Variants in SHISA9 observed in about 807,000 individuals in gnomAD.
SHISA9 encodes shisa family member 9, also known as protein shisa-9.
SHISA9 carries 13 observed loss-of-function variants against 38.0 expected under a neutral mutation model. The ratio of observed to expected loss-of-function variants is 0.34; its 90% CI spans 0.22 to 0.54. The LOEUF is 0.54. Ranked by LOEUF, SHISA9 falls within the 20% of genes least tolerant of loss-of-function variation. The pLI, the probability that SHISA9 is intolerant of heterozygous loss-of-function variation, is 0.91. For missense variants in SHISA9, 538 were observed against 575.8 expected, an observed-to-expected ratio of 0.93 and a Z score of 0.67; for synonymous variants, 275 against 242.0, an observed-to-expected ratio of 1.14 and a Z score of -1.27.
intron 2 of SHISA9, among the ~76,000 whole-genome samples, chr16:13,027,933 CAAAAAAAAAA>C (rs1240201539): frequency 9.6e-6 from 1 of 103,700 alleles, no homozygotes; most frequent in Non-Finnish European, 1.8e-5. Context: ...GTCTCAAAAA[CAAAAAAAAAA>C]AAAAAAAAAA....
chr16:13,319,760 C>A, the SHISA9 span, among the ~76,000 whole-genome samples: 1 of 150,592 alleles, frequency 6.6e-6, no homozygotes. Flanking sequence ...CCCACAGGGG[C>A]CTTTCCAGGG....
At chr16:13,182,595 T>C (rs1288829232) in intron 2 of SHISA9, among the ~76,000 whole-genome samples, 1 of 152,222 alleles carries the variant, frequency 6.6e-6, no homozygotes, top group Non-Finnish European at 1.5e-5. Context: ...AAATTTGGAA[T>C]TGGAGCTTAT....
chr16:13,012,465 A>G (rs1351073265), intron 2 of SHISA9, among the ~76,000 whole-genome samples: 3 of 152,146 alleles, frequency 2.0e-5, no homozygotes, highest in South Asian at 4.1e-4. Context: ...AAGACACCCA[A>G]TGTGGCCATA....
At chr16:13,037,083 C>CA (rs1181431687) in intron 2 of SHISA9, among the ~76,000 whole-genome samples, 3,605 of 69,162 alleles carry the variant, frequency 0.052, 198 homozygotes, top group African/African-American at 0.18. Flanking sequence ...CACACACACA[C>CA]CACACCACAC....
chr16:12,950,677 C>T (rs1186138017), intron 2 of SHISA9, among the ~76,000 whole-genome samples: 13 of 151,250 alleles, frequency 8.6e-5, no homozygotes, highest in African/African-American at 2.7e-4. Flanking sequence ...GGCATGATCT[C>T]GGCTCACTGC....
the SHISA9 span, among the ~76,000 whole-genome samples, chr16:13,431,253 G>T: frequency 6.6e-6 from 1 of 152,168 alleles, no homozygotes. Context: ...TTCTAAAACA[G>T]AAACTCAGTT....
chr16:13,419,136 C>A, the SHISA9 span, among the ~76,000 whole-genome samples: 9 of 152,126 alleles, frequency 5.9e-5, no homozygotes, highest in Non-Finnish European at 1.2e-4. Context: ...ATTTAATGAC[C>A]TCACCCTCCA....
intron 2 of SHISA9, among the ~76,000 whole-genome samples, chr16:12,938,863 A>G: frequency 6.6e-6 from 1 of 151,942 alleles, no homozygotes; most frequent in East Asian, 1.9e-4. Flanking sequence ...TTTTCCTAGG[A>G]GTCTGTAGTT....
At chr16:13,549,087 ATTATG>A in the SHISA9 span, among the ~76,000 whole-genome samples, 1 of 152,236 alleles carries the variant, frequency 6.6e-6, no homozygotes, top group Non-Finnish European at 1.5e-5. Context: ...TCTGGAGATC[ATTATG>A]TTAAGTGAAA....
chr16:12,972,973 A>C (rs1008515632), intron 2 of SHISA9, among the ~76,000 whole-genome samples: 3 of 152,058 alleles, frequency 2.0e-5, no homozygotes, highest in Non-Finnish European at 4.4e-5. Context: ...AAAATTAGCC[A>C]GGCGTGGTGG....
chr16:13,512,090 C>T, the SHISA9 span, among the ~76,000 whole-genome samples: 2 of 152,142 alleles, frequency 1.3e-5, no homozygotes, highest in Non-Finnish European at 2.9e-5. Context: ...CATAACAAAG[C>T]ATAAAAGCAA....
the SHISA9 span, among the ~76,000 whole-genome samples, chr16:13,526,139 C>G: frequency 6.6e-6 from 1 of 152,180 alleles, no homozygotes; most frequent in African/African-American, 2.4e-5. Context: ...CAAACTGGAG[C>G]CAGTAGGAGT....
At chr16:13,153,455 A>C (rs1425536093) in intron 2 of SHISA9, among the ~76,000 whole-genome samples, 1 of 152,184 alleles carries the variant, frequency 6.6e-6, no homozygotes, top group Admixed American at 6.5e-5. Flanking sequence ...GGCTGCATAA[A>C]TTGATAGACA....
intron 2 of SHISA9, among the ~76,000 whole-genome samples, chr16:12,978,821 A>C (rs976774416): frequency 2.0e-5 from 3 of 152,242 alleles, no homozygotes; most frequent in African/African-American, 7.2e-5. Flanking sequence ...GGAGGGATGG[A>C]TAGAAGGATA....
At chr16:12,912,877 G>A (rs749585214) in intron 1 of SHISA9, among the ~76,000 whole-genome samples, 4 of 152,030 alleles carry the variant, frequency 2.6e-5, no homozygotes, top group Non-Finnish European at 4.4e-5. Context: ...CTTGTTCTCC[G>A]AATATCTCAG....
At chr16:13,072,011 G>C (rs945647583) in intron 2 of SHISA9, among the ~76,000 whole-genome samples, 4 of 152,148 alleles carry the variant, frequency 2.6e-5, no homozygotes, top group African/African-American at 9.7e-5. Context: ...GTTGCTCACT[G>C]TTGACATTGC....
At chr16:13,165,742 A>T (rs1280098644) in intron 2 of SHISA9, among the ~76,000 whole-genome samples, 2 of 152,236 alleles carry the variant, frequency 1.3e-5, no homozygotes, top group Non-Finnish European at 2.9e-5. Flanking sequence ...TCACGTGCTG[A>T]TCAGTGAGTA....
the SHISA9 span, among the ~76,000 whole-genome samples, chr16:13,348,365 T>G: frequency 6.6e-6 from 1 of 152,078 alleles, no homozygotes; most frequent in Non-Finnish European, 1.5e-5. Context: ...AATTTTGGAT[T>G]TTTTTGATTA....
intron 2 of SHISA9, among the ~76,000 whole-genome samples, chr16:13,102,503 CA>C (rs1352802688): frequency 1.3e-5 from 2 of 152,146 alleles, no homozygotes; most frequent in African/African-American, 4.8e-5. Context: ...CACTGAGAGG[CA>C]AGGGAGAGAA....
Sources: gnomAD v4.1 joint callset for allele counts (sites outside exome capture counted in the v4.1 genomes callset) on GRCh38, gnomAD v4.1.1 for gene constraint, MANE v1.5 for transcripts, NCBI Gene and HGNC (gene_info 2026-07-23, HGNC 2026-07-21) for gene names.